AGBL3: variants seen among roughly 807,000 people sequenced by gnomAD.
AGBL3 encodes cytosolic carboxypeptidase 3.
In AGBL3, 68 loss-of-function variants were observed where a neutral mutation model predicts 94.5. The ratio of observed to expected loss-of-function variants is 0.72; its 90% CI spans 0.59 to 0.88. The LOEUF (loss-of-function observed/expected upper bound fraction) is 0.88, where lower values mean the gene tolerates loss of function less well. AGBL3 is among the 40% of genes least tolerant of loss of function. The pLI is 0.00. For missense variants in AGBL3, 934 were observed against 1,103.8 expected, an observed-to-expected ratio of 0.85 and a Z score of 2.18; for synonymous variants, 354 against 370.7, an observed-to-expected ratio of 0.95 and a Z score of 0.52.
intron 4 of AGBL3, among the ~76,000 whole-genome samples, chr7:134,997,961 A>C (rs910690722): frequency 5.3e-5 from 8 of 152,230 alleles, no homozygotes; most frequent in Admixed American, 4.6e-4. Context: ...TCAGCATAGA[A>C]ATTAACTCAT....
intron 15 of AGBL3, among the ~76,000 whole-genome samples, chr7:135,096,592 G>GATAC (rs1258940658): frequency 1.4e-5 from 2 of 143,370 alleles, no homozygotes; most frequent in African/African-American, 5.2e-5. Context: ...TACATAGATA[G>GATAC]ATAGATAGAT....
At chr7:135,092,002 T>C (rs780246804) in intron 15 of AGBL3, among the ~76,000 whole-genome samples, 1 of 152,218 alleles carries the variant, frequency 6.6e-6, no homozygotes, top group Non-Finnish European at 1.5e-5. Context: ...CATGATGTAG[T>C]CTTAACTGAG....
intron 15 of AGBL3, among the ~76,000 whole-genome samples, chr7:135,114,128 T>C (rs560568774): frequency 6.6e-6 from 1 of 152,368 alleles, no homozygotes; most frequent in Admixed American, 6.5e-5. Context: ...CTTACACTGT[T>C]GGCTATTATG....
intron 12 of AGBL3, among the ~76,000 whole-genome samples, chr7:135,069,214 C>G (rs1381647419): frequency 2.0e-5 from 3 of 152,148 alleles, no homozygotes; most frequent in Admixed American, 1.3e-4. Context: ...CAGGAGCACC[C>G]AGATTCATAA....
intron 8 of AGBL3, among the ~76,000 whole-genome samples, chr7:135,041,556 A>C (rs1235536926): frequency 5.3e-5 from 8 of 152,148 alleles, no homozygotes; most frequent in Non-Finnish European, 8.8e-5. Flanking sequence ...CATCTAAAAA[A>C]CAAAAAACTT....
intron 15 of AGBL3, among the ~76,000 whole-genome samples, chr7:135,099,346 G>C (rs1396251567): frequency 1.3e-5 from 2 of 152,000 alleles, no homozygotes; most frequent in African/African-American, 4.8e-5. Flanking sequence ...AGGCTTCCAG[G>C]GGAAATATGT....
intron 15 of AGBL3, among the ~76,000 whole-genome samples, chr7:135,086,871 T>C (rs770711467): frequency 1.3e-5 from 2 of 152,120 alleles, no homozygotes; most frequent in Non-Finnish European, 2.9e-5. Flanking sequence ...CAGAATAAGT[T>C]TGGAAGAATT....
intron 12 of AGBL3, among the ~76,000 whole-genome samples, chr7:135,075,928 T>TCAAAGG (rs2116821450): frequency 6.6e-6 from 1 of 152,308 alleles, no homozygotes; most frequent in South Asian, 2.1e-4. Flanking sequence ...CCACTGGGCT[T>TCAAAGG]GTGTTGGCAT....
chr7:134,988,857 C>G (rs919836783), intron 2 of AGBL3, among the ~76,000 whole-genome samples: 1 of 152,100 alleles, frequency 6.6e-6, no homozygotes, highest in Non-Finnish European at 1.5e-5. Flanking sequence ...AGGCTGGTCT[C>G]AAACTTCTGA....
intron 16 of AGBL3, among the ~76,000 whole-genome samples, chr7:135,118,017 A>G (rs1035534415): frequency 6.6e-6 from 1 of 152,360 alleles, no homozygotes; most frequent in African/African-American, 2.4e-5. Context: ...AGAGAAAAGC[A>G]GAGACTGCAG....
At chr7:135,092,141 A>G (rs1585056998) in intron 15 of AGBL3, among the ~76,000 whole-genome samples, 1 of 152,296 alleles carries the variant, frequency 6.6e-6, no homozygotes, top group East Asian at 1.9e-4. Flanking sequence ...GAGAGAACTC[A>G]TTCAGAGCCT....
At chr7:135,073,656 C>T (rs963761549) in intron 12 of AGBL3, among the ~76,000 whole-genome samples, 1 of 152,020 alleles carries the variant, frequency 6.6e-6, no homozygotes, top group Admixed American at 6.6e-5. Context: ...TGAGCAATTC[C>T]TGTCCCTTTT....
At chr7:135,097,502 A>G (rs1469794658) in intron 15 of AGBL3, among the ~76,000 whole-genome samples, 1 of 152,174 alleles carries the variant, frequency 6.6e-6, no homozygotes, top group Non-Finnish European at 1.5e-5. Flanking sequence ...AATCTGCATT[A>G]TTGGCAATGA....
chr7:135,106,192 C>T (rs993129941), intron 15 of AGBL3, among the ~76,000 whole-genome samples: 2 of 152,124 alleles, frequency 1.3e-5, no homozygotes, highest in Admixed American at 6.5e-5. Flanking sequence ...GTCTGAATTC[C>T]GCTCTTCCTA....
At chr7:135,127,978 G>A (rs1828125936) in intron 16 of AGBL3, among the ~76,000 whole-genome samples, 2 of 152,086 alleles carry the variant, frequency 1.3e-5, no homozygotes, top group Admixed American at 1.3e-4. Context: ...TATACACCAT[G>A]GAATACTATG....
chr7:135,126,813 C>A (rs541426869), intron 16 of AGBL3, among the ~76,000 whole-genome samples: 1 of 152,154 alleles, frequency 6.6e-6, no homozygotes, highest in Non-Finnish European at 1.5e-5. Flanking sequence ...ACTGGCTAGC[C>A]ATGTGCAGAA....
At chr7:135,061,273 T>G (rs774966460) in intron 12 of AGBL3, among the ~76,000 whole-genome samples, 16 of 152,138 alleles carry the variant, frequency 1.1e-4, no homozygotes, top group Non-Finnish European at 2.2e-4. Context: ...TCCTGATATA[T>G]TTTGGATATT....
intron 15 of AGBL3, among the ~76,000 whole-genome samples, chr7:135,112,609 T>C (rs1281642101): frequency 1.3e-5 from 2 of 152,212 alleles, no homozygotes; most frequent in Admixed American, 6.5e-5. Context: ...AGTATATGTA[T>C]GTAGTGAGTG....
chr7:135,051,178 G>A (rs1404151129), intron 11 of AGBL3: 2 of 224,706 alleles, frequency 8.9e-6, no homozygotes, highest in Non-Finnish European at 1.8e-5. Context: ...TTACAGGAAA[G>A]GTAAAACAAA....
Sources: gnomAD v4.1 joint callset for allele counts (sites outside exome capture counted in the v4.1 genomes callset) on GRCh38, gnomAD v4.1.1 for gene constraint, MANE v1.5 for transcripts, NCBI Gene and HGNC (gene_info 2026-07-23, HGNC 2026-07-21) for gene names.